Variants in USP37 observed in about 807,000 individuals in gnomAD.
The protein encoded by USP37 is ubiquitin specific peptidase 37, also known as ubiquitin carboxyl-terminal hydrolase 37.
Under a neutral mutation model 124.0 loss-of-function variants are expected in USP37, and 27 were observed. The observed-to-expected ratio is 0.22, with a 90% confidence interval of 0.16 to 0.30. USP37 has a LOEUF of 0.30. Ranked by LOEUF, USP37 falls within the 10% of genes least tolerant of loss-of-function variation. The pLI is 1.00. For missense variants in USP37, 889 were observed against 1,140.4 expected, an observed-to-expected ratio of 0.78 and a Z score of 3.17; for synonymous variants, 365 against 388.0, an observed-to-expected ratio of 0.94 and a Z score of 0.70.
intron 10 of USP37, among the ~76,000 whole-genome samples, chr2:218,524,632 T>C (rs562057072): frequency 6.6e-6 from 1 of 152,218 alleles, no homozygotes; most frequent in Non-Finnish European, 1.5e-5. Context: ...ATTTTTTAGA[T>C]GGAGTCTCGC....
chr2:218,510,942 C>T (rs1279065804), intron 10 of USP37, among the ~76,000 whole-genome samples: 1 of 151,876 alleles, frequency 6.6e-6, no homozygotes, highest in Non-Finnish European at 1.5e-5. Flanking sequence ...TTGCAATGAG[C>T]GCAGATTGCA....
chr2:218,464,777 T>C (rs1690218111), intron 21 of USP37, among the ~76,000 whole-genome samples: 1 of 152,182 alleles, frequency 6.6e-6, no homozygotes. Context: ...AAGAATAGGT[T>C]ACTACATAAA....
chr2:218,520,490 C>T (rs148057888), intron 10 of USP37, among the ~76,000 whole-genome samples: 5 of 152,058 alleles, frequency 3.3e-5, no homozygotes, highest in African/African-American at 7.2e-5. Context: ...ACTGGGATTG[C>T]AGGCATACGC....
intron 14 of USP37, among the ~76,000 whole-genome samples, 195 bp from the exon 15 acceptor site, chr2:218,488,616 C>T (rs1691727265): frequency 6.6e-6 from 1 of 152,120 alleles, no homozygotes; most frequent in Non-Finnish European, 1.5e-5. Context: ...ACCTCAATTG[C>T]AAGTATTTAA....
Position 218,452,324 on chromosome 2 carries a change from C to G in USP37, c.*2606G>C, listed in dbSNP as rs545629009. 31 of 152,302 alleles carry G rather than the reference C, an allele frequency of 2.0e-4. No homozygotes were observed. Among genetic ancestry groups the G allele is most frequent in the Middle Eastern group, 3.4e-3 (1 of 294 alleles). 9.4% of individuals were successfully genotyped at this position (152,302 alleles called of 1,614,324 possible). On this transcript the variant is annotated 3_prime_UTR_variant, in exon 26 of 26. Coordinates refer to ENST00000258399, the MANE Select transcript of USP37 (RefSeq NM_020935.3). ...TCCCTTCCTGGCCCCAACATGCTAACTGCCCCATCCCCAATTCTGGGCAAA... is the reference window on the plus strand; with the variant it reads ...TCCCTTCCTGGCCCCAACATGCTAAGTGCCCCATCCCCAATTCTGGGCAAA...
chr2:218,471,495 T>C (rs1261438876), intron 20 of USP37, among the ~76,000 whole-genome samples: 3 of 152,218 alleles, frequency 2.0e-5, no homozygotes, highest in African/African-American at 7.2e-5. Flanking sequence ...CACAAACTGA[T>C]GAAATATCAA....
intron 7 of USP37, among the ~76,000 whole-genome samples, chr2:218,546,576 A>T (rs1325057032): frequency 6.6e-6 from 1 of 152,068 alleles, no homozygotes; most frequent in African/African-American, 2.4e-5. Context: ...GTGCCACCAC[A>T]CCAGGCTAAT....
chr2:218,549,130 G>C (rs1692527122), intron 6 of USP37, among the ~76,000 whole-genome samples: 1 of 152,086 alleles, frequency 6.6e-6, no homozygotes, highest in Non-Finnish European at 1.5e-5. Flanking sequence ...TGTTCACTAT[G>C]TTGATTATGA....
At chr2:218,526,762 C>T (rs976555257) in intron 10 of USP37, among the ~76,000 whole-genome samples, 9 of 142,218 alleles carry the variant, frequency 6.3e-5, no homozygotes. Context: ...AGAAGACCAA[C>T]GTAAGTTTCT....
At chr2:218,459,530 T>C (rs776043864) in intron 23 of USP37, among the ~76,000 whole-genome samples, 18 of 152,240 alleles carry the variant, frequency 1.2e-4, no homozygotes, top group Non-Finnish European at 2.6e-4. Context: ...AATACATACA[T>C]GCCTTTACTG....
Position 218,451,637 on chromosome 2 carries a change from G to A in USP37, c.*3293C>T, listed in dbSNP as rs2106400243. 1 of 152,116 alleles carries A rather than the reference G, an allele frequency of 6.6e-6. No individual in the cohort carries two copies. Among genetic ancestry groups the A allele is most frequent in the Middle Eastern group, 3.4e-3 (1 of 294 alleles). 9.4% of individuals were successfully genotyped at this position (152,116 alleles called of 1,614,324 possible). A position where few individuals can be genotyped will look rare whatever the true frequency, so the allele number is the denominator to read the frequency against. On this transcript the variant is annotated 3_prime_UTR_variant, in exon 26 of 26. Transcript: ENST00000258399. Reference sequence around the variant, plus strand: ...AACTACACACGATACAGAAGAATCAGTAAATTCATGGATTATTTTGCTGAG... The same window carrying A: ...AACTACACACGATACAGAAGAATCAATAAATTCATGGATTATTTTGCTGAG...
intron 4 of USP37, among the ~76,000 whole-genome samples, chr2:218,556,202 C>T (rs1475020040): frequency 1.3e-5 from 2 of 152,228 alleles, no homozygotes; most frequent in African/African-American, 4.8e-5. Flanking sequence ...CCTCAGTGTC[C>T]ATATATTTTA....
intron 24 of USP37, among the ~76,000 whole-genome samples, chr2:218,456,485 G>GA (rs1039232559): frequency 6.7e-6 from 1 of 150,030 alleles, no homozygotes; most frequent in East Asian, 2.0e-4. Flanking sequence ...GAAAAAAGAA[G>GA]AAAAAAATAT....
intron 3 of USP37, among the ~76,000 whole-genome samples, chr2:218,560,121 AGT>A (rs1307200087): frequency 4.6e-5 from 7 of 152,252 alleles, no homozygotes; most frequent in Admixed American, 6.5e-5. Flanking sequence ...GTTATCAAAT[AGT>A]GTGTTACATA....
At chr2:218,477,848 C>T (rs940202412) in intron 18 of USP37, among the ~76,000 whole-genome samples, 2 of 152,076 alleles carry the variant, frequency 1.3e-5, no homozygotes, top group South Asian at 4.2e-4. Context: ...AAAGATAAAT[C>T]GTTAAAAGGT....
intron 20 of USP37, among the ~76,000 whole-genome samples, chr2:218,466,736 C>CT (rs1226313521): frequency 6.6e-6 from 1 of 151,914 alleles, no homozygotes; most frequent in Non-Finnish European, 1.5e-5. Context: ...TTTCCCCATT[C>CT]TTTTTTTTAT....
intron 10 of USP37, among the ~76,000 whole-genome samples, chr2:218,520,211 G>C (rs1350757081): frequency 6.6e-6 from 1 of 151,780 alleles, no homozygotes; most frequent in Non-Finnish European, 1.5e-5. Flanking sequence ...CAAAGTACTG[G>C]GATTATAGAC....
rs147551652 is a variant in USP37, at chr2:218,546,265, G to T, written c.636C>A (p.Gly212=). 8.1e-6 allele frequency: 13 copies of T among 1,612,948 alleles called. No homozygotes were observed. The African/African-American group carries it at 1.7e-4, about 22-fold the overall frequency. ...TEKRKRMIST[G]SELNEDYPKE... is the part of the protein sequence containing the mutation. The stretch of plus-strand genomic sequence containing the variant: ...TAGGGTAATCTTCATTCAATTCTGA[G>T]CCAGTTGATATCATTCTTTTCCTCT... The change falls in exon 8 of 26, where the codon GGC becomes GGA. Residue 212 remains glycine (G), a synonymous_variant. Transcript: ENST00000258399.
At chr2:218,486,533 G>A (rs186494965) in intron 15 of USP37, among the ~76,000 whole-genome samples, 1,948 of 152,140 alleles carry the variant, frequency 0.013, 48 homozygotes, top group African/African-American at 0.045. Flanking sequence ...AGTGATTCTC[G>A]TGCCTCAGCT....
Sources: gnomAD v4.1 joint callset for allele counts (sites outside exome capture counted in the v4.1 genomes callset) on GRCh38, gnomAD v4.1.1 for gene constraint, MANE v1.5 for transcripts, NCBI Gene and HGNC (gene_info 2026-07-23, HGNC 2026-07-21) for gene names.